The following CDCA7 variants were observed in gnomAD, a reference collection of about 807,000 sequenced individuals.
CDCA7 encodes the protein cell division cycle associated 7.
In CDCA7, 28 loss-of-function variants were observed where a neutral mutation model predicts 54.0. The ratio of observed to expected loss-of-function variants is 0.52; its 90% CI spans 0.38 to 0.71. The LOEUF (loss-of-function observed/expected upper bound fraction) is 0.71. Ranked by LOEUF, CDCA7 falls within the 30% of genes least tolerant of loss-of-function variation. The probability of loss-of-function intolerance (pLI) is 0.00; values close to 1 mark genes in which losing one functional copy is unlikely to be tolerated. For synonymous variants in CDCA7, 180 were observed against 208.2 expected, an observed-to-expected ratio of 0.86 and a Z score of 1.16; for missense variants, 484 against 586.0, an observed-to-expected ratio of 0.83 and a Z score of 1.80.
At chr2:173,360,637 G>A (rs1686602285) in intron 3 of CDCA7, among the ~76,000 whole-genome samples, 1 of 151,994 alleles carries the variant, frequency 6.6e-6, no homozygotes, top group Non-Finnish European at 1.5e-5. Context: ...CACCATGCCT[G>A]GGAACTTTTA....
In CDCA7 at chr2:173,358,810, C is replaced by T; in HGVS notation, c.120C>T (p.Ser40=). ...TSSSSDDSCD[S]FASDNFANTK... is the part of the protein sequence containing the mutation. ...CATCCTCTGATGACAGTTGTGACAG[C>T]TTTGCTTCTGATAATTTTGCAAACA... is the stretch of plus-strand genomic sequence containing the variant. The change falls in exon 2 of 10, where the codon AGC becomes AGT. Residue 40 remains serine (S), a synonymous_variant. Transcript: ENST00000306721. The T allele has an allele frequency of 6.2e-7, 1 of 1,613,606 alleles. No homozygotes were observed.
Position 173,358,798 on chromosome 2 carries a change from C to G in CDCA7, c.108C>G (p.Asp36Glu). 6.2e-7 allele frequency: 1 copy of G among 1,613,752 alleles called. No homozygotes were observed. Among genetic ancestry groups the G allele is most frequent in the Non-Finnish European group, 8.5e-7 (1 of 1,179,870 alleles). ...TGGAAACCTCGTCATCCTCTGATGA[C>G]AGTTGTGACAGCTTTGCTTCTGATA... ...ISMETSSSSD[D>E]SCDSFASDNF... Residue 36 changes from aspartate to glutamate, a missense_variant, in exon 2 of 10, where the codon GAC (aspartate) becomes GAG (glutamate). Asp to Glu is a conservative substitution (Grantham distance 45, BLOSUM62 2). Around this residue, in one of 3 missense-constraint regions of CDCA7, gnomAD observed 398 missense variants for 447.4 expected, o/e 0.89. Coordinates refer to ENST00000306721, the MANE Select transcript of CDCA7 (RefSeq NM_031942.5).
Position 173,368,181 on chromosome 2 carries a change from T to A in CDCA7, c.*517T>A, listed in dbSNP as rs1686757736. ...AAGTCTTAAAACCATGTGGAAAAAT[T>A]AGGTAATTATTGCAGATTGATGTCT... On this transcript the variant is annotated 3_prime_UTR_variant, in exon 10 of 10. Coordinates refer to ENST00000306721, the MANE Select transcript of CDCA7 (RefSeq NM_031942.5). The A allele has an allele frequency of 6.4e-6, 1 of 156,238 alleles. No homozygotes were observed. Among genetic ancestry groups the A allele is most frequent in the Non-Finnish European group, 1.4e-5 (1 of 70,438 alleles). The allele number at this position is 156,238 out of a possible 1,614,324, so 9.7% of individuals were successfully genotyped here.
At position 173,367,781 on chromosome 2, in the gene CDCA7, C is replaced by T. The variant is rs553977276; in HGVS notation, c.*117C>T. ...GATGATCAGCCTGTTTCATAAGAAACTCCAATCAAGTTAATCTTAGCAGAC... is the reference window on the plus strand; with the variant it reads ...GATGATCAGCCTGTTTCATAAGAAATTCCAATCAAGTTAATCTTAGCAGAC... On this transcript the variant is annotated 3_prime_UTR_variant, in exon 10 of 10. Coordinates refer to ENST00000306721, the MANE Select transcript of CDCA7 (RefSeq NM_031942.5). 6.4e-6 allele frequency: 7 copies of T among 1,086,470 alleles called. No homozygotes were observed. The African/African-American group carries it at 9.3e-5, about 14-fold the overall frequency. The allele number at this position is 1,086,470 out of a possible 1,614,324, so 67.3% of individuals were successfully genotyped here. A position where few individuals can be genotyped will look rare whatever the true frequency, so the allele number is the denominator to read the frequency against.
rs1686765237 is a variant in CDCA7 at position 173,368,625 on chromosome 2, G to A, written c.*961G>A. The A allele has an allele frequency of 6.6e-6, 1 of 151,984 alleles. No homozygotes were observed. The highest frequency in any genetic ancestry group is 2.1e-4 in the South Asian group (1 of 4,828). The allele number at this position is 151,984 out of a possible 1,614,324, so 9.4% of individuals were successfully genotyped here. On this transcript the variant is annotated 3_prime_UTR_variant, in exon 10 of 10. Transcript: ENST00000306721. ...CAATGATAAGTGCCTTTTTGGAGAT[G>A]TAACTTTTAGCAGTTTGTTAACCTG...
intron 6 of CDCA7, 104 bp downstream of exon 6, chr2:173,365,093 A>G (rs918645308): frequency 7.1e-7 from 1 of 1,409,378 alleles, no homozygotes; most frequent in African/African-American, 1.5e-5. Context: ...CAGGCGATCC[A>G]TAGTAAATGT....
chr2:173,367,528 G>C (rs1686746932), intron 9 of CDCA7, 106 bp from the exon 10 acceptor site: 2 of 1,412,138 alleles, frequency 1.4e-6, no homozygotes, highest in Non-Finnish European at 2.0e-6. Context: ...TGACCATAGT[G>C]ATGTTATAAC....
chr2:173,359,148 CTT>C, intron 2 of CDCA7, 105 bp from the exon 3 acceptor site: 1 of 903,052 alleles, frequency 1.1e-6, no homozygotes, highest in African/African-American at 1.7e-5. Flanking sequence ...AAGCTGTTCT[CTT>C]GTAGTGCACT....
At chr2:173,365,389 G>T in intron 6 of CDCA7, 63 bp from the exon 7 acceptor site, 1 of 1,535,966 alleles carries the variant, frequency 6.5e-7, no homozygotes. Flanking sequence ...TGTTTTTTCA[G>T]TTTTGAATCT....
chr2:173,365,647 C>T, intron 7 of CDCA7, 55 bp downstream of exon 7: 2 of 1,585,754 alleles, frequency 1.3e-6, no homozygotes, highest in Non-Finnish European at 1.7e-6. Context: ...AGGAAGAGAG[C>T]TTCTGTCCCT....
At chr2:173,359,933 T>C (rs944937384) in intron 3 of CDCA7, among the ~76,000 whole-genome samples, 3 of 152,202 alleles carry the variant, frequency 2.0e-5, no homozygotes, top group Non-Finnish European at 4.4e-5. Flanking sequence ...GGAGCTCCAT[T>C]GCAGATAATG....
Position 173,365,551 on chromosome 2 carries a change from G to A in CDCA7, c.994G>A (p.Val332Ile), listed in dbSNP as rs751677219. The A allele has an allele frequency of 1.2e-5, 20 of 1,614,060 alleles. No individual in the cohort carries two copies. The highest frequency in any genetic ancestry group is 2.2e-5 in the East Asian group (1 of 44,896). Residue 332 changes from valine to isoleucine, a missense_variant, in exon 7 of 10, where the codon GTC (valine) becomes ATC (isoleucine). By Grantham distance (29) the Val-to-Ile change is conservative (BLOSUM62 3). Transcript: ENST00000306721. ...EEITEEELEN[V>I]CSNSREKIYN... ...AATTACAGAGGAGGAGTTGGAGAAC[G>A]TCTGCAGCAATTCTCGAGAGAAGAT... is the stretch of plus-strand genomic sequence containing the variant.
chr2:173,358,055 C>T lies in CDCA7; in HGVS notation c.22-657C>T, dbSNP rs1686543133. ...CTCTACTAAAAATACAAAAAATTAA[C>T]CGGGCGTGGTGGCGGGCGCCTGTAA... On this transcript the variant is annotated intron_variant, in intron 1 of 9. Transcript: ENST00000306721. Among the ~76,000 whole-genome samples the T allele has an allele frequency of 2.6e-5, 4 of 152,190 alleles. No individual in the cohort carries two copies. In the South Asian group the frequency reaches 8.3e-4, roughly 32 times the overall value.
Position 173,367,629 on chromosome 2 carries a change from C to T in CDCA7, c.1323-5C>T. On this transcript the variant is annotated splice_region_variant and splice_polypyrimidine_tract_variant and intron_variant, in intron 9 of 9. Coordinates refer to ENST00000306721, the MANE Select transcript of CDCA7 (RefSeq NM_031942.5). ...TCCTGACACATTTCCTTTTGTTTTT[C>T]ACAGCCTGAAACAGGAATTTGAAAT... is the stretch of plus-strand genomic sequence containing the variant. The T allele has an allele frequency of 6.2e-7, 1 of 1,614,088 alleles. No individual in the cohort carries two copies. The highest frequency in any genetic ancestry group is 1.1e-5 in the South Asian group (1 of 91,068).
At chr2:173,362,985 C>G (rs567708821) in intron 3 of CDCA7, among the ~76,000 whole-genome samples, 3 of 152,264 alleles carry the variant, frequency 2.0e-5, no homozygotes, top group African/African-American at 7.2e-5. Context: ...AAAAAAGGCT[C>G]AGAACCACAG....
Position 173,367,209 on chromosome 2 carries a change from T to G in CDCA7, c.1245T>G (p.Asp415Glu), listed in dbSNP as rs1251836511. The G allele has an allele frequency of 1.9e-6, 3 of 1,611,104 alleles. No homozygotes were observed. The highest frequency in any genetic ancestry group is 2.5e-6 in the Non-Finnish European group (3 of 1,179,208). The part of the protein sequence containing the change: ...ICNCSFCRQR[D>E]GRCATGVLVY... ...ACTGCAGTTTCTGCCGGCAGCGAGA[T>G]GGACGGTGTGCGACTGGGGTCCTTG... Residue 415 changes from aspartate to glutamate, a missense_variant, in exon 9 of 10, where the codon GAT becomes GAG. By Grantham distance (45) the Asp-to-Glu change is conservative (BLOSUM62 2). Transcript: ENST00000306721.
rs771816691 is a variant in CDCA7 at position 173,359,411 on chromosome 2, G to A, written c.304G>A (p.Glu102Lys). 39 of 1,614,116 alleles carry A rather than the reference G, an allele frequency of 2.4e-5. No homozygotes were observed. Among genetic ancestry groups the A allele is most frequent in the Non-Finnish European group, 3.1e-5 (36 of 1,180,034 alleles). Reference protein sequence around the residue: ...LQKPRPDVTNELAGIFHADSD... With the variant: ...LQKPRPDVTNKLAGIFHADSD... ...GAAACCAAGGCCAGATGTCACTAACGAACTGGCCGGTATTTTTCATGCCGA... is the reference window on the plus strand; with the variant it reads ...GAAACCAAGGCCAGATGTCACTAACAAACTGGCCGGTATTTTTCATGCCGA... The change falls in exon 3 of 10, where the codon GAA becomes AAA. Residue 102 changes from glutamate to lysine, a missense_variant. This residue lies in a region of CDCA7 where 398 missense variants were observed against 447.4 expected (regional missense o/e 0.89). Transcript: ENST00000306721.
At position 173,366,447 on chromosome 2, in the gene CDCA7, G is replaced by C. The variant is rs1314971927; in HGVS notation, c.1185+15G>C. 1 of 1,613,508 alleles carries C rather than the reference G, an allele frequency of 6.2e-7. No individual in the cohort carries two copies. Among genetic ancestry groups the C allele is most frequent in the Non-Finnish European group, 8.5e-7 (1 of 1,179,612 alleles). Reference sequence around the variant, plus strand: ...TGCTGGATCCGGTAGGTGCCTGCCAGGGGTTGGTCCTGTGGGCTTGAAGGT... The same window carrying C: ...TGCTGGATCCGGTAGGTGCCTGCCACGGGTTGGTCCTGTGGGCTTGAAGGT... On this transcript the variant is annotated intron_variant, in intron 8 of 9. Coordinates refer to ENST00000306721, the MANE Select transcript of CDCA7 (RefSeq NM_031942.5). The surrounding 1 kb of genome is among the most constrained non-coding windows in gnomAD (Gnocchi z 4.5).
chr2:173,361,297 A>C (rs55997944), intron 3 of CDCA7, among the ~76,000 whole-genome samples: 2,103 of 152,288 alleles, frequency 0.014, 47 homozygotes, highest in African/African-American at 0.047. Flanking sequence ...ACTCTTAGGT[A>C]TATACATAGG....
Sources: gnomAD v4.1 joint callset for allele counts (sites outside exome capture counted in the v4.1 genomes callset) on GRCh38, gnomAD v4.1.1 for gene constraint, gnomAD v4.1.1 regional missense constraint, Gnocchi (gnomAD v3.1) non-coding constraint, MANE v1.5 for transcripts, NCBI Gene and HGNC (gene_info 2026-07-23, HGNC 2026-07-21) for gene names.